Variants in BRD1 observed in about 807,000 individuals in gnomAD.
The protein encoded by BRD1 is bromodomain containing 1.
BRD1 carries 24 observed loss-of-function variants against 107.7 expected under a neutral mutation model. The ratio of observed to expected loss-of-function variants is 0.22; its 90% CI spans 0.16 to 0.31. BRD1 has a LOEUF of 0.31. Among genes scored for constraint, BRD1 ranks in the 10% least tolerant of loss-of-function variants. The probability of loss-of-function intolerance (pLI) is 1.00; values close to 1 mark genes in which losing one functional copy is unlikely to be tolerated. For synonymous variants in BRD1, 744 were observed against 686.1 expected (o/e 1.08, Z -1.32); for missense variants, 1,279 against 1,638.6 (o/e 0.78, Z 3.79).
intron 2 of BRD1, among the ~76,000 whole-genome samples, chr22:49,820,025 G>A (rs1192319932): frequency 6.6e-6 from 1 of 151,890 alleles, no homozygotes; most frequent in Non-Finnish European, 1.5e-5. Flanking sequence ...AGCTACTCAG[G>A]AGGCTGAGGC....
intron 10 of BRD1, 68 bp from the exon 11 acceptor site, chr22:49,776,227 A>C: frequency 7.1e-7 from 1 of 1,409,210 alleles, no homozygotes; most frequent in Non-Finnish European, 9.8e-7. Context: ...CCCCCCCACA[A>C]AAGGTGCAGC....
At chr22:49,801,967 T>A (rs1421018977) in intron 3 of BRD1, among the ~76,000 whole-genome samples, 1 of 152,240 alleles carries the variant, frequency 6.6e-6, no homozygotes, top group Non-Finnish European at 1.5e-5. Context: ...TTCCCACCGC[T>A]GGACGTCCCG....
chr22:49,787,312 C>A (rs930495483), intron 8 of BRD1, 78 bp downstream of exon 8: 8 of 818,988 alleles, frequency 9.8e-6, no homozygotes, highest in African/African-American at 3.4e-5. Context: ...CCCCCCCCCC[C>A]GTCACACCAA....
intron 2 of BRD1, among the ~76,000 whole-genome samples, chr22:49,816,651 C>T (rs1416030455): frequency 2.0e-5 from 3 of 152,198 alleles, no homozygotes; most frequent in Admixed American, 2.0e-4. Context: ...GTAATCTCAA[C>T]ACTTTGGGAG....
chr22:49,788,765 C>T (rs982490062), intron 7 of BRD1, among the ~76,000 whole-genome samples: 3 of 152,168 alleles, frequency 2.0e-5, no homozygotes, highest in Admixed American at 6.5e-5. Context: ...CAAGCAGGAC[C>T]GGTACTGACA....
At position 49,783,097 on chromosome 22, in the gene BRD1, C is replaced by T. The variant is rs982034502; in HGVS notation, c.2857+4293G>A. On this transcript the variant is annotated intron_variant, in intron 8 of 12. Transcript: ENST00000404760. The surrounding 1 kb of genome is among the most constrained non-coding windows in gnomAD (Gnocchi z 4.2). ...GGATGGTCAGAGACAGAACCAAGGC[C>T]CAGGCCAGACGCCTGCACGAGACCT... Among the ~76,000 whole-genome samples the T allele has an allele frequency of 1.3e-5, 2 of 151,402 alleles. No individual in the cohort carries two copies. The highest frequency in any genetic ancestry group is 2.4e-5 in the African/African-American group (1 of 41,124).
At chr22:49,799,204 G>A (rs2059594204) in intron 3 of BRD1, 85 bp from the exon 4 acceptor site, 1 of 1,530,450 alleles carries the variant, frequency 6.5e-7, no homozygotes, top group Non-Finnish European at 8.8e-7. Flanking sequence ...GAGACCCCAA[G>A]AGGCATCCAC....
At position 49,824,121 on chromosome 22, in the gene BRD1, G is replaced by A. The variant is rs375717807; in HGVS notation, c.197C>T (p.Thr66Ile). The A allele has an allele frequency of 1.2e-6, 2 of 1,613,900 alleles. No individual in the cohort carries two copies. Among genetic ancestry groups the A allele is most frequent in the African/African-American group, 2.7e-5 (2 of 74,938 alleles). Residue 66 changes from threonine to isoleucine, a missense_variant, in exon 2 of 13, where the codon ACT becomes ATT. This residue lies in a region of BRD1 where 223 missense variants were observed against 263.5 expected (regional missense o/e 0.85). Coordinates refer to ENST00000404760, the MANE Select transcript of BRD1 (RefSeq NM_001304808.3). This position sits in a 1 kb window ranked among gnomAD's most constrained non-coding sequence, Gnocchi z 5.9. Reference protein sequence around the residue: ...PLEIILEDDLTAQEMSECNSN... With the variant: ...PLEIILEDDLIAQEMSECNSN... ...GTTGCACTCACTCATCTCTTGAGCAGTGAGGTCATCTTCCAATATGATCTC... is the reference window on the plus strand; with the variant it reads ...GTTGCACTCACTCATCTCTTGAGCAATGAGGTCATCTTCCAATATGATCTC...
chr22:49,789,654 A>G (rs1482286196), intron 7 of BRD1, among the ~76,000 whole-genome samples: 1 of 152,178 alleles, frequency 6.6e-6, no homozygotes, highest in Non-Finnish European at 1.5e-5. Flanking sequence ...GTCTCCTCCC[A>G]GCACCTCCGG....
chr22:49,786,859 C>T (rs1343837111), intron 8 of BRD1, among the ~76,000 whole-genome samples: 1 of 152,138 alleles, frequency 6.6e-6, no homozygotes, highest in Admixed American at 6.5e-5. Context: ...ACATCTAATC[C>T]CAACACTTTG....
intron 1 of BRD1, among the ~76,000 whole-genome samples, chr22:49,825,515 G>A (rs1362309339): frequency 6.6e-6 from 1 of 152,196 alleles, no homozygotes; most frequent in East Asian, 1.9e-4. Context: ...CCTGGTGTGT[G>A]GACACCTCCT....
chr22:49,776,648 C>A (rs950418918), intron 10 of BRD1, among the ~76,000 whole-genome samples: 4 of 152,190 alleles, frequency 2.6e-5, no homozygotes, highest in African/African-American at 7.2e-5. Context: ...CGACCCCAAA[C>A]CCTGGGGCCT....
chr22:49,815,462 G>A (rs1230332113), intron 2 of BRD1, among the ~76,000 whole-genome samples: 1 of 151,838 alleles, frequency 6.6e-6, no homozygotes, highest in African/African-American at 2.4e-5. Context: ...AGAATCGCTT[G>A]AACCCAGGGG....
chr22:49,783,014 G>A lies in BRD1; in HGVS notation c.2857+4376C>T, dbSNP rs1030434561. Among the ~76,000 whole-genome samples, 7 of 147,030 alleles carry A rather than the reference G, an allele frequency of 4.8e-5. No individual in the cohort carries two copies. Among genetic ancestry groups the A allele is most frequent in the African/African-American group, 1.8e-4 (7 of 39,824 alleles). ...TGCTCCATGACAATGCAGCTGGGAC[G>A]GTCAGAGACAGACCCAAGGCCCATC... On this transcript the variant is annotated intron_variant, in intron 8 of 12. Coordinates refer to ENST00000404760, the MANE Select transcript of BRD1 (RefSeq NM_001304808.3). This position sits in a 1 kb window ranked among gnomAD's most constrained non-coding sequence, Gnocchi z 4.2.
intron 2 of BRD1, among the ~76,000 whole-genome samples, chr22:49,816,983 C>T (rs2059965648): frequency 6.6e-6 from 1 of 152,228 alleles, no homozygotes; most frequent in Non-Finnish European, 1.5e-5. Context: ...AAGAGAACTG[C>T]CGGACCCCAT....
chr22:49,807,868 A>G (rs1433921061), intron 2 of BRD1, among the ~76,000 whole-genome samples: 1 of 152,212 alleles, frequency 6.6e-6, no homozygotes, highest in Non-Finnish European at 1.5e-5. Flanking sequence ...GAAACTCCTA[A>G]AACTTGACAA....
At chr22:49,793,952 C>T (rs1197308275) in intron 7 of BRD1, 82 bp downstream of exon 7, 7 of 1,520,784 alleles carry the variant, frequency 4.6e-6, no homozygotes, top group Non-Finnish European at 3.5e-6. Context: ...CGCTGCTGCC[C>T]GTGTCTGGGT....
At chr22:49,816,242 T>C (rs2059949086) in intron 2 of BRD1, among the ~76,000 whole-genome samples, 1 of 152,138 alleles carries the variant, frequency 6.6e-6, no homozygotes, top group Non-Finnish European at 1.5e-5. Context: ...CCTAGCACTT[T>C]GGGAGGCTGA....
intron 8 of BRD1, among the ~76,000 whole-genome samples, chr22:49,786,426 G>C (rs1003112951): frequency 6.6e-6 from 1 of 152,134 alleles, no homozygotes; most frequent in African/African-American, 2.4e-5. Flanking sequence ...CACACACACG[G>C]CAACACCCTC....
Sources: gnomAD v4.1 joint callset for allele counts (sites outside exome capture counted in the v4.1 genomes callset) on GRCh38, gnomAD v4.1.1 for gene constraint, gnomAD v4.1.1 regional missense constraint, Gnocchi (gnomAD v3.1) non-coding constraint, MANE v1.5 for transcripts, NCBI Gene and HGNC (gene_info 2026-07-23, HGNC 2026-07-21) for gene names.